Variants in SPAG16 observed in about 807,000 individuals in gnomAD.
SPAG16 encodes the protein sperm associated antigen 16, also known as sperm-associated antigen 16 protein.
A neutral mutation model predicts 80.4 loss-of-function variants in SPAG16; 86 were observed. The observed-to-expected ratio is 1.07, with a 90% confidence interval of 0.90 to 1.28. SPAG16 has a LOEUF of 1.28. Among genes scored for constraint, SPAG16 ranks in the 50% most tolerant of loss-of-function variants. SPAG16 has a pLI of 0.00. For synonymous variants in SPAG16, 294 were observed against 265.9 expected (o/e 1.11, Z -1.03); for missense variants, 870 against 765.3 (o/e 1.14, Z -1.61).
chr2:213,794,919 T>G (rs1277305244), intron 10 of SPAG16, among the ~76,000 whole-genome samples: 1 of 152,158 alleles, frequency 6.6e-6, no homozygotes, highest in African/African-American at 2.4e-5. Context: ...AGCTTTAGAT[T>G]ACCTAAAATT....
chr2:213,920,231 T>C (rs1052070573), intron 11 of SPAG16, among the ~76,000 whole-genome samples: 5 of 152,218 alleles, frequency 3.3e-5, no homozygotes, highest in Non-Finnish European at 7.3e-5. Flanking sequence ...CTTGGTTCTT[T>C]ATCCAATTTG....
intron 10 of SPAG16, among the ~76,000 whole-genome samples, chr2:213,777,153 A>G (rs1177655692): frequency 6.6e-6 from 1 of 151,270 alleles, no homozygotes; most frequent in African/African-American, 2.4e-5. Context: ...TGTTTTTCCT[A>G]CTTAAATTCA....
chr2:214,038,548 A>AT (rs1328440697), intron 13 of SPAG16, among the ~76,000 whole-genome samples: 6 of 151,338 alleles, frequency 4.0e-5, no homozygotes, highest in East Asian at 1.9e-4. Context: ...TTTTTTTTAG[A>AT]TTTTTTTTAA....
At chr2:214,240,591 G>A (rs977528479) in intron 15 of SPAG16, 1 of 152,092 alleles carries the variant, frequency 6.6e-6, no homozygotes, top group African/African-American at 2.4e-5. Flanking sequence ...CAAGAAAGAT[G>A]TTTTCCTTGT....
Position 213,340,749 on chromosome 2 carries a change from G to T in SPAG16, c.644+479G>T, listed in dbSNP as rs185756074. 4.5e-4 allele frequency among the ~76,000 whole-genome samples: 68 copies of T among 152,266 alleles called. No homozygotes were observed. In the East Asian group the frequency reaches 5.8e-3, roughly 13 times the overall value. On this transcript the variant is annotated intron_variant, in intron 6 of 15. Transcript: ENST00000331683. Reference sequence around the variant, plus strand: ...AGGGATAGGGGACATATCTCTAAATGACTATGAATTTGTAAGTCTTTTAGA... The same window carrying T: ...AGGGATAGGGGACATATCTCTAAATTACTATGAATTTGTAAGTCTTTTAGA...
At chr2:214,264,087 T>C (rs930673212) in intron 15 of SPAG16, among the ~76,000 whole-genome samples, 1 of 152,190 alleles carries the variant, frequency 6.6e-6, no homozygotes, top group Non-Finnish European at 1.5e-5. Flanking sequence ...TGTGTGGCTG[T>C]CTGGACTGTT....
chr2:213,868,518 A>T lies in SPAG16; in HGVS notation c.1214+5890A>T, dbSNP rs192175257. Among the ~76,000 whole-genome samples, 16 of 152,294 alleles carry T rather than the reference A, an allele frequency of 1.1e-4. No individual in the cohort carries two copies. In the East Asian group the frequency reaches 3.1e-3, roughly 29 times the overall value. On this transcript the variant is annotated intron_variant, in intron 11 of 15. Coordinates refer to ENST00000331683, the MANE Select transcript of SPAG16 (RefSeq NM_024532.5). Reference sequence around the variant, plus strand: ...AAAACTCATGCTACATTACTTAATAATATATTAATTGGTCTTTACCTACAC... The same window carrying T: ...AAAACTCATGCTACATTACTTAATATTATATTAATTGGTCTTTACCTACAC...
At chr2:213,421,447 G>A (rs1363867277) in intron 9 of SPAG16, among the ~76,000 whole-genome samples, 2 of 152,238 alleles carry the variant, frequency 1.3e-5, no homozygotes, top group African/African-American at 4.8e-5. Flanking sequence ...CAGCCTGGGT[G>A]CTGTGGATGA....
chr2:213,593,350 T>TA (rs1431717521), intron 10 of SPAG16, among the ~76,000 whole-genome samples: 2 of 152,194 alleles, frequency 1.3e-5, no homozygotes, highest in Non-Finnish European at 2.9e-5. Context: ...TTCATGGACT[T>TA]ATCATCACAA....
At chr2:214,206,980 G>T (rs2058163311) in intron 15 of SPAG16, among the ~76,000 whole-genome samples, 1 of 152,084 alleles carries the variant, frequency 6.6e-6, no homozygotes, top group Non-Finnish European at 1.5e-5. Flanking sequence ...AAAAACCATT[G>T]CCAGAGGTTT....
At chr2:213,678,198 A>G (rs1257470019) in intron 10 of SPAG16, among the ~76,000 whole-genome samples, 3 of 152,176 alleles carry the variant, frequency 2.0e-5, no homozygotes, top group Non-Finnish European at 4.4e-5. Context: ...CTAACATCAC[A>G]ATTAAAAGAA....
At chr2:213,346,756 T>A (rs2125013301) in intron 6 of SPAG16, among the ~76,000 whole-genome samples, 1 of 152,354 alleles carries the variant, frequency 6.6e-6, no homozygotes, top group Non-Finnish European at 1.5e-5. Flanking sequence ...GATAAGCTTT[T>A]TGATGTGCTG....
intron 10 of SPAG16, among the ~76,000 whole-genome samples, chr2:213,492,528 C>T (rs907283695): frequency 1.6e-4 from 24 of 151,772 alleles, no homozygotes; most frequent in Middle Eastern, 6.8e-3. Context: ...CCAGCCTAGG[C>T]GACAGAGCGA....
chr2:214,114,525 G>C (rs889840053), intron 14 of SPAG16, among the ~76,000 whole-genome samples: 2 of 152,164 alleles, frequency 1.3e-5, no homozygotes, highest in African/African-American at 4.8e-5. Flanking sequence ...CCCTCCCCCT[G>C]CCAGGCTGAA....
intron 13 of SPAG16, among the ~76,000 whole-genome samples, chr2:214,059,497 T>C (rs2050145829): frequency 6.6e-6 from 1 of 151,858 alleles, no homozygotes; most frequent in Non-Finnish European, 1.5e-5. Context: ...TTCCATGTGA[T>C]CTTATTACAA....
intron 9 of SPAG16, among the ~76,000 whole-genome samples, chr2:213,437,742 A>G (rs2070727122): frequency 6.6e-6 from 1 of 152,234 alleles, no homozygotes; most frequent in African/African-American, 2.4e-5. Flanking sequence ...AACAAAATGC[A>G]ATAAACTTAA....
intron 13 of SPAG16, among the ~76,000 whole-genome samples, chr2:214,085,393 A>G (rs2051667846): frequency 6.8e-6 from 1 of 146,726 alleles, no homozygotes; most frequent in African/African-American, 2.6e-5. Flanking sequence ...AAAAAAAAAA[A>G]GAAAGAAAGA....
At chr2:214,068,540 T>A (rs1221365148) in intron 13 of SPAG16, among the ~76,000 whole-genome samples, 1 of 152,064 alleles carries the variant, frequency 6.6e-6, no homozygotes, top group Non-Finnish European at 1.5e-5. Context: ...TCAGAGCTTT[T>A]CCTAGGAATA....
rs189563663 is a variant in SPAG16 at position 213,379,887 on chromosome 2, C to G, written c.942+4768C>G. Among the ~76,000 whole-genome samples the G allele has an allele frequency of 8.7e-4, 132 of 152,278 alleles. 1 individual carries two copies. The East Asian group carries it at 0.023, about 27-fold the overall frequency. On this transcript the variant is annotated intron_variant, in intron 9 of 15. Coordinates refer to ENST00000331683, the MANE Select transcript of SPAG16 (RefSeq NM_024532.5). ...TTATTCATGGGCCCATTGGTGATGA[C>G]AGGGGTGGCTGGGGAAAGAGGCTGA...
Sources: allele counts gnomAD v4.1 joint callset (sites outside exome capture counted in the v4.1 genomes callset), GRCh38; gene constraint gnomAD v4.1.1; transcripts MANE v1.5; gene names NCBI Gene and HGNC (gene_info 2026-07-23, HGNC 2026-07-21).